Variants in SNX31 observed in about 807,000 individuals in gnomAD.
The protein encoded by SNX31 is sorting nexin-31.
SNX31 carries 58 observed loss-of-function variants against 65.4 expected under a neutral mutation model. The ratio of observed to expected loss-of-function variants is 0.89; its 90% CI spans 0.72 to 1.10. The LOEUF is 1.10. Among genes scored for constraint, SNX31 ranks in the 50% least tolerant of loss-of-function variants. The pLI is 0.00. For synonymous variants in SNX31, 181 were observed against 190.1 expected (o/e 0.95, Z 0.39); for missense variants, 523 against 529.7 (o/e 0.99, Z 0.12).
At chr8:100,574,089 T>A (rs1812836444) in intron 13 of SNX31, 129 bp from the exon 14 acceptor site, 3 of 535,306 alleles carry the variant, frequency 5.6e-6, no homozygotes, top group Admixed American at 7.7e-5. Flanking sequence ...AAGCAATGGT[T>A]ATTTTAAACA....
In SNX31 at chr8:100,630,226, G is replaced by A. The variant is rs941802412; in HGVS notation, c.321+101C>T. 14 of 1,030,014 alleles carry A rather than the reference G, an allele frequency of 1.4e-5. No homozygotes were observed. The highest frequency in any genetic ancestry group is 2.7e-5 in the East Asian group (1 of 36,982). The allele number at this position is 1,030,014 out of a possible 1,614,324, so 63.8% of individuals were successfully genotyped here. A position where few individuals can be genotyped will look rare whatever the true frequency, so the allele number is the denominator to read the frequency against. Reference sequence around the variant, plus strand: ...ATTTTGTCCAAGTCCAGGCTCTGTGGGGCTGTGACCAGTGCACACATGTGT... The same window carrying A: ...ATTTTGTCCAAGTCCAGGCTCTGTGAGGCTGTGACCAGTGCACACATGTGT... On this transcript the variant is annotated intron_variant, in intron 4 of 13. Transcript: ENST00000311812. This position sits in a 1 kb window ranked among gnomAD's most constrained non-coding sequence, Gnocchi z 5.3.
Position 100,594,002 on chromosome 8 carries a change from G to A in SNX31, c.978+2637C>T, listed in dbSNP as rs1563525209. On this transcript the variant is annotated intron_variant, in intron 10 of 13. Transcript: ENST00000311812. This position sits in a 1 kb window ranked among gnomAD's most constrained non-coding sequence, Gnocchi z 4.0. ...ATCTGCAAAAGACCTTGTTTAAGAG[G>A]ATGAAAAACTATAGAGTGGGCCAGG... Among the ~76,000 whole-genome samples the A allele has an allele frequency of 6.6e-6, 1 of 152,114 alleles. No individual in the cohort carries two copies. The highest frequency in any genetic ancestry group is 1.5e-5 in the Non-Finnish European group (1 of 67,980).
At chr8:100,650,859 T>TG (rs1819948111), upstream of SNX31, among the ~76,000 whole-genome samples, 1 of 149,510 alleles carries the variant, frequency 6.7e-6, no homozygotes, top group African/African-American at 2.5e-5. Flanking sequence ...TGTTTTTTTT[T>TG]TTTTTGTTTT....
chr8:100,607,123 C>T (rs886658320), intron 8 of SNX31, among the ~76,000 whole-genome samples: 1 of 152,120 alleles, frequency 6.6e-6, no homozygotes, highest in African/African-American at 2.4e-5. Flanking sequence ...GGGGTTTAGC[C>T]TGAGTGAGAT....
intron 2 of SNX31, among the ~76,000 whole-genome samples, chr8:100,645,673 G>T (rs1019204925): frequency 2.8e-5 from 4 of 141,850 alleles, no homozygotes; most frequent in Non-Finnish European, 6.0e-5. Context: ...GTGCAGTGGC[G>T]CAATCTGAGC....
Position 100,629,066 on chromosome 8 carries a change from T to G in SNX31, c.321+1261A>C, listed in dbSNP as rs1165885122. 2.0e-5 allele frequency among the ~76,000 whole-genome samples: 3 copies of G among 152,162 alleles called. No individual in the cohort carries two copies. The highest frequency in any genetic ancestry group is 4.4e-5 in the Non-Finnish European group (3 of 68,026). On this transcript the variant is annotated intron_variant, in intron 4 of 13. Coordinates refer to ENST00000311812, the MANE Select transcript of SNX31 (RefSeq NM_152628.4). The surrounding 1 kb of genome is among the most constrained non-coding windows in gnomAD (Gnocchi z 5.1). The stretch of plus-strand genomic sequence containing the variant: ...GCTCTACCATCTAGGTTTGTGGTGT[T>G]CACACAATGACAAAATCGCCTAATG...
rs1350590978 is a variant in SNX31 at position 100,577,074 on chromosome 8, T to G, written c.1172A>C (p.Gln391Pro). Reference sequence around the variant, plus strand: ...TTTGCTTTGTTCCGGAACTTCAATCTGCTAGATAGATTAGTGAAATGTCAG... The same window carrying G: ...TTTGCTTTGTTCCGGAACTTCAATCGGCTAGATAGATTAGTGAAATGTCAG... ...VKLAAENTEM[Q>P]IEVPEQSKSK... The change falls in exon 13 of 14, where the codon CAG (glutamine) becomes CCG (proline). Residue 391 changes from glutamine (Q) to proline (P), a missense_variant and splice_region_variant. Coordinates refer to ENST00000311812, the MANE Select transcript of SNX31 (RefSeq NM_152628.4). 6.2e-7 allele frequency: 1 copy of G among 1,613,416 alleles called. No homozygotes were observed. The highest frequency in any genetic ancestry group is 8.5e-7 in the Non-Finnish European group (1 of 1,179,768).
chr8:100,607,430 C>G (rs1259866021), intron 8 of SNX31, among the ~76,000 whole-genome samples: 1 of 152,122 alleles, frequency 6.6e-6, no homozygotes, highest in Admixed American at 6.5e-5. Context: ...GGAACTGAGG[C>G]CAAGCTCGAA....
In SNX31 at chr8:100,575,423, C is replaced by A. The variant is rs1485344360; in HGVS notation, c.1228-1463G>T. On this transcript the variant is annotated intron_variant, in intron 13 of 13. Coordinates refer to ENST00000311812, the MANE Select transcript of SNX31 (RefSeq NM_152628.4). The surrounding 1 kb of genome is among the most constrained non-coding windows in gnomAD (Gnocchi z 5.1). ...ACAGTTTGCAAAATAAATTAAAACTCAATATAGTTGGACACTAGGTCTCTT... is the reference window on the plus strand; with the variant it reads ...ACAGTTTGCAAAATAAATTAAAACTAAATATAGTTGGACACTAGGTCTCTT... Among the ~76,000 whole-genome samples, 1 of 152,178 alleles carries A rather than the reference C, an allele frequency of 6.6e-6. No homozygotes were observed. The highest frequency in any genetic ancestry group is 1.5e-5 in the Non-Finnish European group (1 of 68,038).
At chr8:100,642,972 C>T (rs1819362011) in intron 2 of SNX31, among the ~76,000 whole-genome samples, 1 of 152,100 alleles carries the variant, frequency 6.6e-6, no homozygotes, top group African/African-American at 2.4e-5. Flanking sequence ...AGGCAGATCA[C>T]CTGAGGTCAG....
intron 9 of SNX31, among the ~76,000 whole-genome samples, chr8:100,597,847 C>A (rs932139792): frequency 6.6e-6 from 1 of 152,166 alleles, no homozygotes; most frequent in Admixed American, 6.5e-5. Context: ...CAGGGCTTTC[C>A]ATTTTGTTAA....
rs1327808125 is a variant in SNX31 at position 100,614,094 on chromosome 8, G to A, written c.433-1009C>T. Among the ~76,000 whole-genome samples, 3 of 152,178 alleles carry A rather than the reference G, an allele frequency of 2.0e-5. No individual in the cohort carries two copies. The highest frequency in any genetic ancestry group is 4.8e-5 in the African/African-American group (2 of 41,436). On this transcript the variant is annotated intron_variant, in intron 5 of 13. Coordinates refer to ENST00000311812, the MANE Select transcript of SNX31 (RefSeq NM_152628.4). This position sits in a 1 kb window ranked among gnomAD's most constrained non-coding sequence, Gnocchi z 5.1. ...GATTAGGTGGCTGGTATGAGTGGGT[G>A]TTCTCAGCATAGCTTTGAAAATAAA...
Position 100,643,137 on chromosome 8 carries a change from G to A in SNX31, c.141+6137C>T, listed in dbSNP as rs981470566. On this transcript the variant is annotated intron_variant, in intron 2 of 13. Coordinates refer to ENST00000311812, the MANE Select transcript of SNX31 (RefSeq NM_152628.4). ...ACTTGGGGGGGGTGGAGGTTGCAGT[G>A]AGCTGAGATCGCACCACCTCACTGC... Among the ~76,000 whole-genome samples the A allele has an allele frequency of 5.3e-5, 8 of 152,096 alleles. 1 individual carries two copies. Among genetic ancestry groups the A allele is most frequent in the Non-Finnish European group, 1.0e-4 (7 of 68,040 alleles).
upstream of SNX31, among the ~76,000 whole-genome samples, chr8:100,650,484 A>C (rs1819931958): frequency 2.0e-5 from 3 of 152,172 alleles, no homozygotes; most frequent in African/African-American, 4.8e-5. Context: ...TTACTGCAGG[A>C]TTTCATCAGG....
At chr8:100,623,231 A>G (rs1393222311) in intron 4 of SNX31, among the ~76,000 whole-genome samples, 1 of 152,138 alleles carries the variant, frequency 6.6e-6, no homozygotes, top group Non-Finnish European at 1.5e-5. Flanking sequence ...GGGTGGGTGG[A>G]GGTGCCACAC....
At chr8:100,661,018 T>TC (rs1809776624) in intron 1 of SNX31, among the ~76,000 whole-genome samples, 1 of 151,656 alleles carries the variant, frequency 6.6e-6, no homozygotes, top group South Asian at 2.1e-4. Flanking sequence ...TTTTTTTTTT[T>TC]TTTTTGAGAC....
At chr8:100,602,012 C>G (rs1741746804) in intron 8 of SNX31, among the ~76,000 whole-genome samples, 4 of 152,246 alleles carry the variant, frequency 2.6e-5, no homozygotes, top group African/African-American at 9.6e-5. Flanking sequence ...CTCAGCCACA[C>G]ACACTCGGCC....
At position 100,596,625 on chromosome 8, in the gene SNX31, G is replaced by A; in HGVS notation, c.978+14C>T. The A allele has an allele frequency of 1.2e-6, 2 of 1,611,518 alleles. No individual in the cohort carries two copies. Among genetic ancestry groups the A allele is most frequent in the Non-Finnish European group, 1.7e-6 (2 of 1,177,642 alleles). On this transcript the variant is annotated intron_variant, in intron 10 of 13. Coordinates refer to ENST00000311812, the MANE Select transcript of SNX31 (RefSeq NM_152628.4). Reference sequence around the variant, plus strand: ...TTTTAAGTCATGGGCAAAGCAAGGTGCCAAGATACTCACAAGGAAAGTGAC... The same window carrying A: ...TTTTAAGTCATGGGCAAAGCAAGGTACCAAGATACTCACAAGGAAAGTGAC...
chr8:100,590,222 A>G (rs1586871040), intron 10 of SNX31, among the ~76,000 whole-genome samples: 1 of 152,244 alleles, frequency 6.6e-6, no homozygotes, highest in East Asian at 1.9e-4. Flanking sequence ...AGTACACAAA[A>G]AAGAAATAGG....
Sources: gnomAD v4.1 joint callset for allele counts (sites outside exome capture counted in the v4.1 genomes callset) on GRCh38, gnomAD v4.1.1 for gene constraint, Gnocchi (gnomAD v3.1) non-coding constraint, MANE v1.5 for transcripts, NCBI Gene and HGNC (gene_info 2026-07-23, HGNC 2026-07-21) for gene names.